BNIP5: variants seen among roughly 807,000 people sequenced by gnomAD.
BNIP5 encodes protein BNIP5.
Under a neutral mutation model 67.3 loss-of-function variants are expected in BNIP5, and 61 were observed. That is an observed-to-expected ratio of 0.91 (90% CI 0.74 to 1.12). The LOEUF (loss-of-function observed/expected upper bound fraction) is 1.12. Ranked by LOEUF, BNIP5 falls within the 50% of genes most tolerant of loss-of-function variation. BNIP5 has a pLI of 0.00. For synonymous variants in BNIP5, 317 were observed against 319.0 expected (o/e 0.99, Z 0.07); for missense variants, 826 against 816.3 (o/e 1.01, Z -0.14).
In BNIP5 at chr6:36,319,614, G is replaced by T; in HGVS notation, c.1669-4C>A. 6.2e-7 allele frequency: 1 copy of T among 1,608,360 alleles called. No individual in the cohort carries two copies. On this transcript the variant is annotated splice_polypyrimidine_tract_variant and splice_region_variant and intron_variant, in intron 10 of 11. Transcript: ENST00000437635. ...TAAAGCTGGGGTGGCGCCTGATCTGGAAGTGGAAATGAAAACAGGTCATTA... is the reference window on the plus strand; with the variant it reads ...TAAAGCTGGGGTGGCGCCTGATCTGTAAGTGGAAATGAAAACAGGTCATTA...
At chr6:36,317,508 G>A in intron 11 of BNIP5, 117 bp from the exon 12 acceptor site, 1 of 878,346 alleles carries the variant, frequency 1.1e-6, no homozygotes, top group South Asian at 1.4e-5. Context: ...TCCATCTCTG[G>A]GTCTTTGTTC....
rs544910053 is a variant in BNIP5 at position 36,319,776 on chromosome 6, C to T, written c.1669-166G>A. Among the ~76,000 whole-genome samples, 8 of 152,242 alleles carry T rather than the reference C, an allele frequency of 5.3e-5. No individual in the cohort carries two copies. The East Asian group carries it at 9.7e-4, about 18-fold the overall frequency. ...CCCTAGCCTCTCAGAATCTGTTCTG[C>T]GAGGTCCAGCTCAAAGCAGCAGGAC... is the stretch of plus-strand genomic sequence containing the variant. On this transcript the variant is annotated intron_variant, in intron 10 of 11. Transcript: ENST00000437635.
At position 36,328,611 on chromosome 6, in the gene BNIP5, G is replaced by A. The variant is rs1172043999; in HGVS notation, c.714C>T (p.Leu238=). Residue 238 remains leucine, a synonymous_variant, in exon 3 of 12, where the codon CTC becomes CTT. Coordinates refer to ENST00000437635, the MANE Select transcript of BNIP5 (RefSeq NM_001010903.5). ...HATGHQQEEE[L]KKPDQDAIIQ... ...ATTCCGACTCACGGTCAGGCTTTTT[G>A]AGCTCCTCTTCTTGCTGATGACCTG... is the stretch of plus-strand genomic sequence containing the variant. 3 of 1,612,332 alleles carry A rather than the reference G, an allele frequency of 1.9e-6. No individual in the cohort carries two copies. The highest frequency in any genetic ancestry group is 4.5e-5 in the East Asian group (2 of 44,870).
At chr6:36,335,553 C>T (rs1435516250) in intron 1 of BNIP5, among the ~76,000 whole-genome samples, 1 of 152,232 alleles carries the variant, frequency 6.6e-6, no homozygotes, top group South Asian at 2.1e-4. Flanking sequence ...GGTCCTAACT[C>T]TAAATTCCAT....
Position 36,319,495 on chromosome 6 carries a change from T to C in BNIP5, c.1784A>G (p.Asn595Ser). ...AAACTGGTAGAGTCTCCTGGCGCGG[T>C]TCCTGTCCAGCTTAGAGGAGTGAGC... ...QVAHSSKLDR[N>S]RARRLYQFDV... The change falls in exon 11 of 12, where the codon AAC (asparagine) becomes AGC (serine). Residue 595 changes from asparagine (N) to serine (S), a missense_variant. Asn to Ser is a conservative substitution (Grantham distance 46). Coordinates refer to ENST00000437635, the MANE Select transcript of BNIP5 (RefSeq NM_001010903.5). 1 of 1,614,156 alleles carries C rather than the reference T, an allele frequency of 6.2e-7. No homozygotes were observed. The highest frequency in any genetic ancestry group is 8.5e-7 in the Non-Finnish European group (1 of 1,180,044).
intron 8 of BNIP5, 146 bp downstream of exon 8, chr6:36,323,147 T>C (rs1230056576): frequency 1.7e-6 from 2 of 1,180,686 alleles, no homozygotes; most frequent in East Asian, 5.0e-5. Flanking sequence ...CACCCCCCAC[T>C]CTACTCAGCA....
intron 10 of BNIP5, among the ~76,000 whole-genome samples, chr6:36,319,838 A>C (rs1349968330): frequency 6.6e-6 from 1 of 152,122 alleles, no homozygotes; most frequent in African/African-American, 2.4e-5. Flanking sequence ...AGGTCTTTAG[A>C]CTCAGATAAT....
intron 1 of BNIP5, 60 bp from the exon 2 acceptor site, chr6:36,330,754 TTG>T (rs1205082380): frequency 6.7e-7 from 1 of 1,501,030 alleles, no homozygotes; most frequent in East Asian, 2.3e-5. Flanking sequence ...ATTTGTTTGT[TTG>T]TTTGTTTTGT....
At chr6:36,324,056 G>T in intron 7 of BNIP5, 73 bp downstream of exon 7, 1 of 1,093,238 alleles carries the variant, frequency 9.1e-7, no homozygotes, top group Non-Finnish European at 1.4e-6. Context: ...GCAGAGACAG[G>T]GAAGTTGTTA....
chr6:36,321,562 G>T (rs1186618498), intron 9 of BNIP5, among the ~76,000 whole-genome samples: 1 of 152,144 alleles, frequency 6.6e-6, no homozygotes, highest in Admixed American at 6.6e-5. Flanking sequence ...TGGGAGTTTG[G>T]ACGAGGAGCA....
chr6:36,330,798 C>A, intron 1 of BNIP5, 104 bp from the exon 2 acceptor site: 1 of 1,416,054 alleles, frequency 7.1e-7, no homozygotes, highest in South Asian at 1.5e-5. Flanking sequence ...GAGCCTCGGT[C>A]TATTGCCCAG....
At chr6:36,332,990 G>C (rs1199665227) in intron 1 of BNIP5, among the ~76,000 whole-genome samples, 1 of 152,208 alleles carries the variant, frequency 6.6e-6, no homozygotes, top group African/African-American at 2.4e-5. Flanking sequence ...TAGTGGTATG[G>C]GATGTACTGT....
chr6:36,331,935 T>C (rs942188903), intron 1 of BNIP5, among the ~76,000 whole-genome samples: 3 of 152,092 alleles, frequency 2.0e-5, no homozygotes, highest in African/African-American at 7.2e-5. Context: ...TAGGTCCCCA[T>C]CTGCACTCAC....
At position 36,327,088 on chromosome 6, in the gene BNIP5, G is replaced by A; in HGVS notation, c.734C>T (p.Ala245Val). 6.2e-7 allele frequency: 1 copy of A among 1,613,666 alleles called. No homozygotes were observed. ...CAATTCCACTATCATCTGAATGATA[G>A]CATCCTCTGGAAGAAAGCAAATGCA... is the stretch of plus-strand genomic sequence containing the variant. ...EEELKKPDQD[A>V]IIQMIVELLK... The change falls in exon 4 of 12, where the codon GCT becomes GTT. Residue 245 changes from alanine (A) to valine (V), a missense_variant. Ala to Val is a moderately conservative substitution (Grantham distance 64). Transcript: ENST00000437635.
chr6:36,333,509 T>G (rs1771949021), intron 1 of BNIP5, among the ~76,000 whole-genome samples: 1 of 152,208 alleles, frequency 6.6e-6, no homozygotes, highest in African/African-American at 2.4e-5. Context: ...GGAAAATATT[T>G]ATGTTTGTTC....
At position 36,329,372 on chromosome 6, in the gene BNIP5, G is replaced by A. The variant is rs187169468; in HGVS notation, c.611-658C>T. On this transcript the variant is annotated intron_variant, in intron 2 of 11. Transcript: ENST00000437635. ...TGTGGCCACTCCATGAGACAGTAAC[G>A]TTATATTTATCTTCATTTTATCCAT... Among the ~76,000 whole-genome samples, 952 of 152,294 alleles carry A rather than the reference G, an allele frequency of 6.3e-3. 4 individuals are homozygous for A. Among genetic ancestry groups the A allele is most frequent in the Non-Finnish European group, 8.0e-3 (545 of 68,020 alleles).
At position 36,319,547 on chromosome 6, in the gene BNIP5, G is replaced by C. The variant is rs767403088; in HGVS notation, c.1732C>G (p.Leu578Val). Residue 578 changes from leucine to valine, a missense_variant, in exon 11 of 12, where the codon CTG (leucine) becomes GTG (valine). Physicochemically the swap from Leu to Val is conservative, Grantham distance 32 (BLOSUM62 1). Coordinates refer to ENST00000437635, the MANE Select transcript of BNIP5 (RefSeq NM_001010903.5). ...ACCTGGCTGCGCAGGGTGGCTACCA[G>C]CTTGCTGAGGGAGGAGTCCGAGAAC... ...YEFSDSSLSKLVATLRSQVAH... is the reference protein window; with the variant it reads ...YEFSDSSLSKVVATLRSQVAH... 6.2e-7 allele frequency: 1 copy of C among 1,614,146 alleles called. No individual in the cohort carries two copies. The highest frequency in any genetic ancestry group is 1.7e-5 in the Admixed American group (1 of 60,026).
chr6:36,323,347 T>C lies in BNIP5; in HGVS notation c.1417A>G (p.Ser473Gly), dbSNP rs1771678409. The stretch of plus-strand genomic sequence containing the variant: ...CCACCAACACACAGGGGCAGAAAGC[T>C]GGGCCTCTTGGGTCGTCGGGCCTCT... ...SPEARRPKRP[S>G]FLPLCVGGHR... Residue 473 changes from serine (S) to glycine (G), a missense_variant, in exon 8 of 12, where the codon AGC (serine) becomes GGC (glycine). Coordinates refer to ENST00000437635, the MANE Select transcript of BNIP5 (RefSeq NM_001010903.5). 2.5e-6 allele frequency: 4 copies of C among 1,614,280 alleles called. No homozygotes were observed. The highest frequency in any genetic ancestry group is 3.4e-6 in the Non-Finnish European group (4 of 1,180,046).
intron 10 of BNIP5, among the ~76,000 whole-genome samples, chr6:36,320,853 G>T (rs1407268916): frequency 1.3e-5 from 2 of 152,210 alleles, no homozygotes; most frequent in African/African-American, 4.8e-5. Context: ...AAGGACGGGG[G>T]ACATGAGCCG....
Sources: gnomAD v4.1 joint callset for allele counts (sites outside exome capture counted in the v4.1 genomes callset) on GRCh38, gnomAD v4.1.1 for gene constraint, MANE v1.5 for transcripts, NCBI Gene and HGNC (gene_info 2026-07-23, HGNC 2026-07-21) for gene names.